The following ZNF385D variants were observed in gnomAD, a reference collection of about 807,000 sequenced individuals.
The protein encoded by ZNF385D is zinc finger protein 385D, also known as zinc finger protein 659.
Under a neutral mutation model 35.8 loss-of-function variants are expected in ZNF385D, and 15 were observed. That is an observed-to-expected ratio of 0.42 (90% confidence interval 0.28 to 0.64). The LOEUF is 0.64. Among genes scored for constraint, ZNF385D ranks in the 30% least tolerant of loss-of-function variants. The pLI is 0.23. For missense variants in ZNF385D, 474 were observed against 494.6 expected (o/e 0.96, Z 0.39); for synonymous variants, 212 against 186.8 (o/e 1.13, Z -1.10).
intron 3 of ZNF385D, among the ~76,000 whole-genome samples, chr3:21,801,077 T>G (rs1255321702): frequency 2.0e-5 from 3 of 152,172 alleles, no homozygotes; most frequent in African/African-American, 7.2e-5. Context: ...TCAATTTAGA[T>G]GGCCATGTAT....
Position 21,739,159 on chromosome 3 carries a change from G to A in ZNF385D, c.22+11736C>T, listed in dbSNP as rs531088788. Among the ~76,000 whole-genome samples, 3 of 152,290 alleles carry A rather than the reference G, an allele frequency of 2.0e-5. No homozygotes were observed. The South Asian group carries it at 6.2e-4, about 32-fold the overall frequency. ...TCTCAACACCATCCAACTGAGCAAGGGGAAGTAGAGGTCTAAGTGGTAGAC... is the reference window on the plus strand; with the variant it reads ...TCTCAACACCATCCAACTGAGCAAGAGGAAGTAGAGGTCTAAGTGGTAGAC... On this transcript the variant is annotated intron_variant, in intron 1 of 7. Transcript: ENST00000281523.
chr3:22,137,621 C>G (rs1266081963), intron 3 of ZNF385D, among the ~76,000 whole-genome samples: 3 of 152,144 alleles, frequency 2.0e-5, no homozygotes, highest in Admixed American at 2.0e-4. Flanking sequence ...ATTCAACAGC[C>G]CTTCATGCTA....
chr3:22,209,483 TGTTA>T (rs1697375206), intron 2 of ZNF385D, among the ~76,000 whole-genome samples: 1 of 151,860 alleles, frequency 6.6e-6, no homozygotes, highest in African/African-American at 2.4e-5. Context: ...TATGGTGTTG[TGTTA>T]TTTATATTAG....
intron 3 of ZNF385D, among the ~76,000 whole-genome samples, chr3:21,991,557 G>A (rs138523362): frequency 1.3e-4 from 20 of 152,270 alleles, no homozygotes; most frequent in African/African-American, 4.3e-4. Flanking sequence ...TTTAGAAATC[G>A]TTGGTCAAAT....
At chr3:21,565,007 C>T (rs2063093247) in intron 2 of ZNF385D, among the ~76,000 whole-genome samples, 1 of 152,116 alleles carries the variant, frequency 6.6e-6, no homozygotes, top group African/African-American at 2.4e-5. Context: ...CAAGTTATTG[C>T]TAATGCCAGC....
At chr3:22,267,253 C>G (rs1200668743) in intron 2 of ZNF385D, among the ~76,000 whole-genome samples, 1 of 151,856 alleles carries the variant, frequency 6.6e-6, no homozygotes, top group Non-Finnish European at 1.5e-5. Flanking sequence ...AAATAACATA[C>G]AGAGTATAAA....
intron 3 of ZNF385D, among the ~76,000 whole-genome samples, chr3:21,815,763 T>C (rs1265963061): frequency 6.6e-6 from 1 of 152,110 alleles, no homozygotes; most frequent in African/African-American, 2.4e-5. Flanking sequence ...AAAGCGGAGC[T>C]GGTACCATTC....
At position 21,414,747 on chromosome 3, in the gene ZNF385D, C is replaced by T. The variant is rs981153614; in HGVS notation, c.*6467G>A. On this transcript the variant is annotated 3_prime_UTR_variant, in exon 8 of 8. Transcript: ENST00000281523. ...GTGATGCTCGATCTTGTGCCCAGAT[C>T]CCTTGGCCACAAGGCTTTTTCGCCA... 1 of 152,080 alleles carries T rather than the reference C, an allele frequency of 6.6e-6. No homozygotes were observed. Among genetic ancestry groups the T allele is most frequent in the Non-Finnish European group, 1.5e-5 (1 of 67,994 alleles). 9.4% of individuals were successfully genotyped at this position (152,080 alleles called of 1,614,324 possible).
At chr3:22,153,026 G>A (rs750994117) in intron 3 of ZNF385D, among the ~76,000 whole-genome samples, 1 of 152,118 alleles carries the variant, frequency 6.6e-6, no homozygotes, top group African/African-American at 2.4e-5. Context: ...ATAGGGAGAT[G>A]TTACAAACCA....
At chr3:22,343,625 C>T (rs1285165927) in intron 2 of ZNF385D, among the ~76,000 whole-genome samples, 3 of 152,174 alleles carry the variant, frequency 2.0e-5, no homozygotes, top group Non-Finnish European at 2.9e-5. Context: ...CAGTTCCTGC[C>T]CATTTCTTCA....
chr3:21,825,029 A>T (rs73820147), intron 3 of ZNF385D, among the ~76,000 whole-genome samples: 2,610 of 152,336 alleles, frequency 0.017, 82 homozygotes, highest in African/African-American at 0.06. Flanking sequence ...CTCCCATATC[A>T]TTTAAATATT....
intron 2 of ZNF385D, among the ~76,000 whole-genome samples, chr3:22,251,175 A>T (rs1700042953): frequency 6.6e-6 from 1 of 152,164 alleles, no homozygotes; most frequent in Non-Finnish European, 1.5e-5. Flanking sequence ...AATAATCAAG[A>T]TTTGAAAACC....
At chr3:21,730,160 G>A (rs868389663) in intron 1 of ZNF385D, among the ~76,000 whole-genome samples, 2 of 152,218 alleles carry the variant, frequency 1.3e-5, no homozygotes, top group African/African-American at 2.4e-5. Flanking sequence ...GGCACAAGAA[G>A]TTGGAGTGAA....
chr3:22,243,186 A>C (rs1056151615), intron 2 of ZNF385D, among the ~76,000 whole-genome samples: 2 of 150,988 alleles, frequency 1.3e-5, no homozygotes, highest in African/African-American at 4.9e-5. Context: ...ATAATAAAAA[A>C]ACAAACAGCC....
intron 3 of ZNF385D, among the ~76,000 whole-genome samples, chr3:21,982,420 T>C (rs1288580615): frequency 1.3e-5 from 2 of 152,290 alleles, no homozygotes; most frequent in East Asian, 3.9e-4. Flanking sequence ...AAGTGAGTTT[T>C]GTGCATTGAC....
chr3:21,564,084 C>T (rs1318400696), intron 3 of ZNF385D, among the ~76,000 whole-genome samples: 1 of 152,070 alleles, frequency 6.6e-6, no homozygotes, highest in East Asian at 1.9e-4. Context: ...TACCAATACT[C>T]CTAGGACAAC....
intron 3 of ZNF385D, among the ~76,000 whole-genome samples, chr3:21,814,372 G>A (rs1030126062): frequency 4.6e-5 from 7 of 152,264 alleles, no homozygotes; most frequent in African/African-American, 1.4e-4. Context: ...ATGTAAATGG[G>A]CTAAATGCTC....
chr3:21,502,217 C>T (rs1407907053), intron 4 of ZNF385D, among the ~76,000 whole-genome samples: 2 of 152,186 alleles, frequency 1.3e-5, no homozygotes, highest in African/African-American at 4.8e-5. Flanking sequence ...CAGGGGAGAT[C>T]ACAGGAGTGG....
chr3:21,531,358 A>G (rs2061918141), intron 3 of ZNF385D, among the ~76,000 whole-genome samples: 1 of 152,200 alleles, frequency 6.6e-6, no homozygotes, highest in African/African-American at 2.4e-5. Flanking sequence ...AATTTCTTAC[A>G]AAACTAAACA....
Sources: gnomAD v4.1 joint callset for allele counts (sites outside exome capture counted in the v4.1 genomes callset) on GRCh38, gnomAD v4.1.1 for gene constraint, MANE v1.5 for transcripts, NCBI Gene and HGNC (gene_info 2026-07-23, HGNC 2026-07-21) for gene names.